Variants in PKHD1 observed in about 807,000 individuals in gnomAD.
PKHD1 encodes PKHD1 ciliary IPT domain containing fibrocystin/polyductin, also known as fibrocystin.
Under a neutral mutation model 412.0 loss-of-function variants are expected in PKHD1, and 291 were observed. The ratio of observed to expected loss-of-function variants is 0.71; its 90% confidence interval spans 0.64 to 0.78. The LOEUF (loss-of-function observed/expected upper bound fraction) is 0.78. PKHD1 is among the 30% of genes least tolerant of loss of function. PKHD1 has a pLI of 0.00. For synonymous variants in PKHD1, 1,777 were observed against 1,821.5 expected (o/e 0.98, Z 0.62); for missense variants, 4,825 against 4,950.7 (o/e 0.97, Z 0.76).
chr6:51,631,077 G>A (rs1000698012), intron 65 of PKHD1, among the ~76,000 whole-genome samples: 5 of 152,136 alleles, frequency 3.3e-5, no homozygotes, highest in African/African-American at 1.2e-4. Context: ...GCCTTCTCTA[G>A]AGCTTAGGAT....
intron 41 of PKHD1, among the ~76,000 whole-genome samples, chr6:51,904,685 A>T (rs551962090): frequency 6.6e-6 from 1 of 152,336 alleles, no homozygotes; most frequent in Non-Finnish European, 1.5e-5. Flanking sequence ...CTCACTTGTA[A>T]TACAATAGAT....
At chr6:51,663,651 C>T (rs1773227858) in intron 60 of PKHD1, among the ~76,000 whole-genome samples, 1 of 152,128 alleles carries the variant, frequency 6.6e-6, no homozygotes, top group Admixed American at 6.6e-5. Context: ...TCCTATTCTT[C>T]AAATCACTTT....
intron 60 of PKHD1, among the ~76,000 whole-genome samples, chr6:51,739,420 G>A (rs1046862897): frequency 2.0e-5 from 3 of 151,904 alleles, no homozygotes; most frequent in Admixed American, 6.6e-5. Context: ...TAGTAGAGAC[G>A]GATTTTCATC....
chr6:51,796,786 C>T (rs1794681307), intron 52 of PKHD1, among the ~76,000 whole-genome samples: 1 of 149,386 alleles, frequency 6.7e-6, no homozygotes, highest in Non-Finnish European at 1.5e-5. Flanking sequence ...GAAGGTTGTT[C>T]ATTTCCATGG....
At chr6:51,671,185 C>T (rs1392961944) in intron 60 of PKHD1, among the ~76,000 whole-genome samples, 2 of 152,044 alleles carry the variant, frequency 1.3e-5, no homozygotes, top group African/African-American at 4.8e-5. Context: ...TCAGGTACAC[C>T]AATCAGACGT....
At chr6:51,952,196 G>C (rs1790460170) in intron 36 of PKHD1, among the ~76,000 whole-genome samples, 1 of 152,044 alleles carries the variant, frequency 6.6e-6, no homozygotes, top group Admixed American at 6.6e-5. Flanking sequence ...TTGTCTGATT[G>C]GAAAAATAAG....
intron 60 of PKHD1, among the ~76,000 whole-genome samples, chr6:51,694,134 T>C (rs1464695819): frequency 3.3e-5 from 5 of 152,164 alleles, no homozygotes; most frequent in Non-Finnish European, 7.3e-5. Context: ...ATTCTTGCTG[T>C]TATGATGCTT....
chr6:51,844,329 A>T (rs1168749392), intron 50 of PKHD1, among the ~76,000 whole-genome samples: 1 of 152,250 alleles, frequency 6.6e-6, no homozygotes, highest in Non-Finnish European at 1.5e-5. Flanking sequence ...GAGCTTTCCA[A>T]AAAAACTGCA....
intron 9 of PKHD1, 149 bp downstream of exon 9, chr6:52,070,857 T>C (rs1432292260): frequency 4.2e-5 from 29 of 682,380 alleles, no homozygotes. Context: ...AGCTGTTTCA[T>C]ATAGTAGTAT....
chr6:51,755,703 C>T (rs2151025609), intron 55 of PKHD1, among the ~76,000 whole-genome samples: 1 of 152,286 alleles, frequency 6.6e-6, no homozygotes, highest in South Asian at 2.1e-4. Context: ...TTGCCTGCTT[C>T]ATTAGCTAAT....
intron 53 of PKHD1, among the ~76,000 whole-genome samples, chr6:51,785,895 G>A (rs1326558): frequency 0.59 from 89,113 of 151,958 alleles, 26,894 homozygotes; most frequent in East Asian, 0.83. Context: ...TCATAAATCT[G>A]CTTGTTCTCT....
chr6:51,782,548 C>A (rs1185105007), intron 53 of PKHD1, among the ~76,000 whole-genome samples: 2 of 152,062 alleles, frequency 1.3e-5, no homozygotes, highest in Non-Finnish European at 2.9e-5. Context: ...AAGTCACATC[C>A]CTTTTATGTC....
rs892503644 is a variant in PKHD1, at chr6:52,014,519, GGAT to G, written c.5600+2888_5600+2890del. On this transcript the variant is annotated intron_variant, in intron 34 of 66. Transcript: ENST00000371117. ...ATGGATCATGGATGGATGGATGGAT[GGAT>G]GGATGGAGAGATGGATGGATGGATG... Among the ~76,000 whole-genome samples, 53 of 152,108 alleles carry G rather than the reference GGAT, an allele frequency of 3.5e-4. No homozygotes were observed. The Middle Eastern group carries it at 0.01, about 29-fold the overall frequency.
intron 5 of PKHD1, 91 bp from the exon 6 acceptor site, chr6:52,076,424 A>G: frequency 1.1e-6 from 1 of 897,226 alleles, no homozygotes; most frequent in Non-Finnish European, 1.9e-6. Flanking sequence ...GCATTACTTG[A>G]AGGTAATAAA....
intron 30 of PKHD1, 54 bp downstream of exon 30, chr6:52,028,102 G>A: frequency 6.5e-7 from 1 of 1,529,130 alleles, no homozygotes; most frequent in Non-Finnish European, 9.1e-7. Flanking sequence ...GAATTACCTA[G>A]CTGAATGCTA....
intron 29 of PKHD1, among the ~76,000 whole-genome samples, chr6:52,030,941 G>A (rs1289397398): frequency 6.6e-6 from 1 of 152,110 alleles, no homozygotes; most frequent in Non-Finnish European, 1.5e-5. Context: ...TTTAGCACTG[G>A]CAGGCTTTTG....
intron 60 of PKHD1, among the ~76,000 whole-genome samples, chr6:51,668,524 G>A (rs1235275624): frequency 1.3e-5 from 2 of 152,040 alleles, no homozygotes; most frequent in African/African-American, 4.8e-5. Context: ...TTTCCTAATT[G>A]AATACCCTTT....
chr6:51,848,016 C>T (rs777862953), intron 49 of PKHD1, 46 bp from the exon 50 acceptor site: 2 of 1,326,712 alleles, frequency 1.5e-6, no homozygotes, highest in African/African-American at 1.4e-5. Context: ...AGTAAGGAAC[C>T]CCATCATTCC....
At chr6:51,920,173 C>T (rs150837692) in intron 37 of PKHD1, among the ~76,000 whole-genome samples, 6 of 152,174 alleles carry the variant, frequency 3.9e-5, no homozygotes, top group African/African-American at 9.7e-5. Flanking sequence ...GTTGAATAGG[C>T]GTGGTGAGAG....
Sources: gnomAD v4.1 joint callset for allele counts (sites outside exome capture counted in the v4.1 genomes callset) on GRCh38, gnomAD v4.1.1 for gene constraint, MANE v1.5 for transcripts, NCBI Gene and HGNC (gene_info 2026-07-23, HGNC 2026-07-21) for gene names.